The following PRKCE variants were observed in gnomAD, a reference collection of about 807,000 sequenced individuals.
The protein encoded by PRKCE is protein kinase C epsilon.
In PRKCE, 16 loss-of-function variants were observed where a neutral mutation model predicts 85.4. The observed-to-expected ratio is 0.19, with a 90% CI of 0.13 to 0.28. The LOEUF is 0.28. PRKCE is among the 10% of genes least tolerant of loss of function. PRKCE has a pLI of 1.00. For missense variants in PRKCE, 573 were observed against 975.2 expected (o/e 0.59, Z 5.49); for synonymous variants, 388 against 371.5 (o/e 1.04, Z -0.51).
chr2:45,929,340 G>A (rs950077374), intron 2 of PRKCE, among the ~76,000 whole-genome samples: 5 of 152,220 alleles, frequency 3.3e-5, no homozygotes, highest in Non-Finnish European at 5.9e-5. Flanking sequence ...TAGCGGAGCC[G>A]TTCCTCCCGG....
chr2:46,142,951 AT>A (rs1675700601), intron 11 of PRKCE, among the ~76,000 whole-genome samples: 1 of 152,182 alleles, frequency 6.6e-6, no homozygotes, highest in South Asian at 2.1e-4. Flanking sequence ...CATTTGGGGT[AT>A]TTTATAAAGT....
intron 1 of PRKCE, among the ~76,000 whole-genome samples, chr2:45,784,816 G>A (rs1686469638): frequency 6.6e-6 from 1 of 152,144 alleles, no homozygotes; most frequent in Non-Finnish European, 1.5e-5. Context: ...ACTTTGGTTG[G>A]GTACTTGACT....
chr2:45,891,125 C>A (rs1695691016), intron 2 of PRKCE, among the ~76,000 whole-genome samples: 3 of 152,168 alleles, frequency 2.0e-5, no homozygotes, highest in Admixed American at 2.0e-4. Context: ...GTGAAAGTGG[C>A]ATGTGCTTGA....
chr2:46,157,130 C>A (rs1677290949), intron 13 of PRKCE, among the ~76,000 whole-genome samples: 2 of 152,212 alleles, frequency 1.3e-5, no homozygotes, highest in African/African-American at 4.8e-5. Flanking sequence ...CTGCAGAGGA[C>A]TCTCTTGGGT....
chr2:45,662,909 A>G (rs145018485), intron 1 of PRKCE, among the ~76,000 whole-genome samples: 1 of 152,326 alleles, frequency 6.6e-6, no homozygotes, highest in Non-Finnish European at 1.5e-5. Context: ...CCTAGAATGT[A>G]AGGTGTATGA....
At chr2:45,742,256 G>GA (rs1008789844) in intron 1 of PRKCE, among the ~76,000 whole-genome samples, 13 of 150,024 alleles carry the variant, frequency 8.7e-5, no homozygotes, top group South Asian at 2.1e-4. Flanking sequence ...TAACTCAATA[G>GA]AAAAAAAAAC....
At chr2:45,843,586 G>A (rs893502693) in intron 2 of PRKCE, among the ~76,000 whole-genome samples, 9 of 152,184 alleles carry the variant, frequency 5.9e-5, no homozygotes, top group South Asian at 2.1e-4. Flanking sequence ...ATTAGATGGC[G>A]TATTACACCC....
intron 11 of PRKCE, among the ~76,000 whole-genome samples, chr2:46,088,895 G>A (rs1040290799): frequency 5.3e-5 from 8 of 152,140 alleles, no homozygotes; most frequent in Non-Finnish European, 7.4e-5. Context: ...AGGTATAACT[G>A]ACACACCAAC....
intron 11 of PRKCE, among the ~76,000 whole-genome samples, chr2:46,088,520 C>G (rs1437079695): frequency 6.6e-6 from 1 of 152,210 alleles, no homozygotes; most frequent in African/African-American, 2.4e-5. Context: ...AAGTTTCAAA[C>G]TCAAAGGGCC....
intron 2 of PRKCE, among the ~76,000 whole-genome samples, chr2:45,921,632 T>A (rs1698257678): frequency 6.6e-6 from 1 of 152,174 alleles, no homozygotes; most frequent in South Asian, 2.1e-4. Context: ...GAGCTCCAAG[T>A]CACTCCTTTC....
intron 1 of PRKCE, among the ~76,000 whole-genome samples, chr2:45,818,065 G>C (rs1185295258): frequency 6.6e-6 from 1 of 152,168 alleles, no homozygotes; most frequent in Non-Finnish European, 1.5e-5. Context: ...GCACATTTGT[G>C]ATTCTGTGAC....
chr2:45,734,338 C>G (rs1317509739), intron 1 of PRKCE, among the ~76,000 whole-genome samples: 1 of 151,038 alleles, frequency 6.6e-6, no homozygotes, highest in Non-Finnish European at 1.5e-5. Context: ...GCACTCCATC[C>G]TGGCAATAGA....
chr2:45,761,080 C>A (rs573485975), intron 1 of PRKCE, among the ~76,000 whole-genome samples: 1 of 152,070 alleles, frequency 6.6e-6, no homozygotes, highest in Non-Finnish European at 1.5e-5. Context: ...GTAATCCCAG[C>A]ACTTTGGGAG....
At chr2:45,984,811 A>G (rs1703180215) in intron 6 of PRKCE, 131 bp downstream of exon 6, 14 of 1,282,686 alleles carry the variant, frequency 1.1e-5, no homozygotes, top group Non-Finnish European at 1.5e-5. Context: ...GCCTTTGTTA[A>G]TCCTGCATTA....
chr2:46,074,429 C>CAAAAAAAAAAAAAAAAAAAAAAAAAAAA (rs11287357), intron 10 of PRKCE, among the ~76,000 whole-genome samples: 23 of 93,822 alleles, frequency 2.5e-4, no homozygotes, highest in Non-Finnish European at 3.2e-4. Flanking sequence ...CAACAACAAC[C>CAAAAAAAAAAAAAAAAAAAAAAAAAAAA]AAAAAAAAAA....
chr2:45,802,463 A>T (rs1687942505), intron 1 of PRKCE, among the ~76,000 whole-genome samples: 2 of 152,174 alleles, frequency 1.3e-5, no homozygotes. Flanking sequence ...AAGATGATCT[A>T]CTGTAATTGA....
At chr2:46,168,808 G>A (rs545381813) in intron 14 of PRKCE, among the ~76,000 whole-genome samples, 91 of 152,290 alleles carry the variant, frequency 6.0e-4, no homozygotes, top group African/African-American at 1.9e-3. Flanking sequence ...GGGAGCCAGC[G>A]TTTCTGTGGG....
intron 1 of PRKCE, among the ~76,000 whole-genome samples, chr2:45,838,701 C>A (rs766881513): frequency 6.6e-6 from 1 of 152,100 alleles, no homozygotes; most frequent in Non-Finnish European, 1.5e-5. Flanking sequence ...CAGCCTGGAT[C>A]TCCTGGGCTC....
intron 10 of PRKCE, among the ~76,000 whole-genome samples, chr2:46,074,429 CA>C (rs11287357): frequency 0.15 from 14,331 of 93,828 alleles, 1,009 homozygotes; most frequent in East Asian, 0.41. Context: ...CAACAACAAC[CA>C]AAAAAAAAAA....
Sources: gnomAD v4.1 joint callset for allele counts (sites outside exome capture counted in the v4.1 genomes callset) on GRCh38, gnomAD v4.1.1 for gene constraint, MANE v1.5 for transcripts, NCBI Gene and HGNC (gene_info 2026-07-23, HGNC 2026-07-21) for gene names.